The following PLGRKT variants were observed in gnomAD, a reference collection of about 807,000 sequenced individuals.
PLGRKT encodes the protein plasminogen receptor with a C-terminal lysine, also known as plasminogen receptor (KT).
In PLGRKT, 22 loss-of-function variants were observed where a neutral mutation model predicts 18.5. That is an observed-to-expected ratio of 1.19 (90% CI 0.85 to 1.70). PLGRKT has a LOEUF of 1.70. Among genes scored for constraint, PLGRKT ranks in the 40% most tolerant of loss-of-function variants. The probability of loss-of-function intolerance (pLI) is 0.00; values close to 1 mark genes in which losing one functional copy is unlikely to be tolerated. For missense variants in PLGRKT, 235 were observed against 174.4 expected (o/e 1.35, Z -1.96); for synonymous variants, 72 against 52.8 (o/e 1.36, Z -1.58).
intron 2 of PLGRKT, among the ~76,000 whole-genome samples, chr9:5,434,423 G>C (rs1315405288): frequency 6.8e-6 from 1 of 146,026 alleles, no homozygotes; most frequent in African/African-American, 2.6e-5. Context: ...CGTCTGGGAA[G>C]TGAGGAGCAC....
In PLGRKT at chr9:5,431,984, C is replaced by A; in HGVS notation, c.-6-1G>T. 7.3e-7 allele frequency: 1 copy of A among 1,376,442 alleles called. No individual in the cohort carries two copies. Among genetic ancestry groups the A allele is most frequent in the Non-Finnish European group, 1.0e-6 (1 of 967,078 alleles). The allele number at this position is 1,376,442 out of a possible 1,614,324, so 85.3% of individuals were successfully genotyped here. A position where few individuals can be genotyped will look rare whatever the true frequency, so the allele number is the denominator to read the frequency against. On this transcript the variant is annotated splice_acceptor_variant, in intron 2 of 5. Transcript: ENST00000223864. LOFTEE classifies it low-confidence loss of function (5UTR_SPLICE). ...TTGAAAATATAAACCCCATTTTGAC[C>A]TAAAATGTAAAAAAAGCAAGGAGAC...
intron 3 of PLGRKT, among the ~76,000 whole-genome samples, chr9:5,423,270 A>G (rs569012928): frequency 6.6e-6 from 1 of 152,316 alleles, no homozygotes; most frequent in South Asian, 2.1e-4. Flanking sequence ...TCTAGCTCCT[A>G]ATTCAACTGG....
chr9:5,360,964 G>GTT (rs1187982131), intron 5 of PLGRKT, 114 bp downstream of exon 5: 22 of 631,402 alleles, frequency 3.5e-5, no homozygotes, highest in Non-Finnish European at 5.6e-5. Flanking sequence ...GCTCATTGGA[G>GTT]GTTCAAAGAG....
At chr9:5,382,105 T>G in intron 3 of PLGRKT, 1 of 689,030 alleles carries the variant, frequency 1.5e-6, no homozygotes, top group Non-Finnish European at 1.8e-6. Context: ...ATTCCTATAA[T>G]AAATCGTTGG....
chr9:5,385,868 T>C (rs957814950), intron 3 of PLGRKT, among the ~76,000 whole-genome samples: 6 of 151,932 alleles, frequency 3.9e-5, no homozygotes, highest in African/African-American at 1.5e-4. Context: ...ACAGAGATGG[T>C]GTCTCTCTCA....
intron 3 of PLGRKT, among the ~76,000 whole-genome samples, chr9:5,397,510 G>A (rs1159304540): frequency 6.6e-6 from 1 of 151,434 alleles, no homozygotes; most frequent in Admixed American, 6.6e-5. Context: ...TCAAATATTT[G>A]TTGAAAGAAG....
rs75345877 is a variant in PLGRKT at position 5,375,912 on chromosome 9, C to T, written c.82-14024G>A. Reference sequence around the variant, plus strand: ...GATGCTTGTACACCTCCATTCATAGCAGCATTATTCACAACAGCCAAAAGG... The same window carrying T: ...GATGCTTGTACACCTCCATTCATAGTAGCATTATTCACAACAGCCAAAAGG... On this transcript the variant is annotated intron_variant, in intron 3 of 5. Transcript: ENST00000223864. 8.7e-3 allele frequency among the ~76,000 whole-genome samples: 1,331 copies of T among 152,242 alleles called. 22 individuals are homozygous for T. Among genetic ancestry groups the T allele is most frequent in the African/African-American group, 0.029 (1,218 of 41,536 alleles).
chr9:5,436,126 C>T (rs865811646), intron 2 of PLGRKT, among the ~76,000 whole-genome samples: 10 of 152,228 alleles, frequency 6.6e-5, no homozygotes, highest in Admixed American at 2.0e-4. Flanking sequence ...CACTCACTGA[C>T]AGCAGGGTGA....
In PLGRKT at chr9:5,396,364, C is replaced by T. The variant is rs556684212; in HGVS notation, c.82-34476G>A. Reference sequence around the variant, plus strand: ...ACAATGGTGTGATCTCGGCTCACTGCAACCTCAACCTCCCAGGTTCAAGTG... The same window carrying T: ...ACAATGGTGTGATCTCGGCTCACTGTAACCTCAACCTCCCAGGTTCAAGTG... On this transcript the variant is annotated intron_variant, in intron 3 of 5. Transcript: ENST00000223864. 3.3e-5 allele frequency among the ~76,000 whole-genome samples: 5 copies of T among 151,880 alleles called. No individual in the cohort carries two copies. In the South Asian group the frequency reaches 6.2e-4, roughly 19 times the overall value.
chr9:5,375,733 C>G lies in PLGRKT; in HGVS notation c.82-13845G>C, dbSNP rs182592611. On this transcript the variant is annotated intron_variant, in intron 3 of 5. Coordinates refer to ENST00000223864, the MANE Select transcript of PLGRKT (RefSeq NM_018465.4). The stretch of plus-strand genomic sequence containing the variant: ...GGTGAGGATGTGAAGAAACCAGAAC[C>G]CTTTTGCATTGCTGGCAGGAATGTA... 1.1e-4 allele frequency among the ~76,000 whole-genome samples: 16 copies of G among 152,234 alleles called. No homozygotes were observed. The East Asian group carries it at 2.7e-3, about 26-fold the overall frequency.
Position 5,387,972 on chromosome 9 carries a change from T to C in PLGRKT, c.82-26084A>G, listed in dbSNP as rs527652008. 6.6e-5 allele frequency among the ~76,000 whole-genome samples: 10 copies of C among 151,996 alleles called. 1 individual carries two copies. The highest frequency in any genetic ancestry group is 5.9e-4 in the Admixed American group (9 of 15,274). On this transcript the variant is annotated intron_variant, in intron 3 of 5. Transcript: ENST00000223864. ...GGAATTGGGAGCTGAAATGATTTTC[T>C]GATGGACTGGATATAGGTGACATGA...
intron 3 of PLGRKT, among the ~76,000 whole-genome samples, chr9:5,407,509 G>C (rs960650098): frequency 1.3e-5 from 2 of 152,124 alleles, no homozygotes; most frequent in African/African-American, 4.8e-5. Flanking sequence ...GACTAGCACA[G>C]GGCCTGGCAT....
intron 2 of PLGRKT, among the ~76,000 whole-genome samples, chr9:5,433,831 G>A (rs538599864): frequency 3.8e-5 from 5 of 131,354 alleles, no homozygotes; most frequent in South Asian, 2.6e-4. Flanking sequence ...GTCTCTGCCT[G>A]AGCGCCCATC....
Position 5,358,333 on chromosome 9 carries a change from T to C in PLGRKT, c.350A>G (p.Glu117Gly). The change falls in exon 6 of 6, where the codon GAA becomes GGA. Residue 117 changes from glutamate to glycine, a missense_variant. Physicochemically the swap from Glu to Gly is moderately conservative, Grantham distance 98. Transcript: ENST00000223864. ...TCTTGGCAGCTGCAATTTACTCTTTTCTGTTTCCAGTATGTCCTCAGCTTC... is the reference window on the plus strand; with the variant it reads ...TCTTGGCAGCTGCAATTTACTCTTTCCTGTTTCCAGTATGTCCTCAGCTTC... ...KGEAEDILET[E>G]KSKLQLPRGM... 1 of 1,612,778 alleles carries C rather than the reference T, an allele frequency of 6.2e-7. No homozygotes were observed. Among genetic ancestry groups the C allele is most frequent in the South Asian group, 1.1e-5 (1 of 91,056 alleles).
chr9:5,401,709 C>G lies in PLGRKT; in HGVS notation c.81+30188G>C, dbSNP rs936145113. 2.0e-4 allele frequency among the ~76,000 whole-genome samples: 30 copies of G among 151,864 alleles called. 1 individual carries two copies. The highest frequency in any genetic ancestry group is 7.0e-4 in the African/African-American group (29 of 41,164). ...ATGAGGAAAACAGGTATTCAAAAGC[C>G]AATATCACCTTAATTTATGTTCCAG... On this transcript the variant is annotated intron_variant, in intron 3 of 5. Coordinates refer to ENST00000223864, the MANE Select transcript of PLGRKT (RefSeq NM_018465.4).
chr9:5,436,720 C>T (rs1329546179), intron 1 of PLGRKT, 26 bp from the exon 2 acceptor site: 1 of 152,160 alleles, frequency 6.6e-6, no homozygotes, highest in African/African-American at 2.4e-5. Context: ...TGCATCACAC[C>T]TTGTAAATTT....
chr9:5,377,662 G>C (rs961332480), intron 3 of PLGRKT, among the ~76,000 whole-genome samples: 2 of 152,190 alleles, frequency 1.3e-5, no homozygotes, highest in Non-Finnish European at 2.9e-5. Context: ...ACTCTAGGGA[G>C]GACTATTCTG....
chr9:5,417,895 G>A (rs1442388170), intron 3 of PLGRKT, among the ~76,000 whole-genome samples: 1 of 151,936 alleles, frequency 6.6e-6, no homozygotes, highest in Non-Finnish European at 1.5e-5. Flanking sequence ...TGAGTTTCAA[G>A]GAAAACAAAA....
At chr9:5,423,662 C>G (rs1166867062) in intron 3 of PLGRKT, among the ~76,000 whole-genome samples, 1 of 151,902 alleles carries the variant, frequency 6.6e-6, no homozygotes, top group African/African-American at 2.4e-5. Context: ...ACCTCAACTA[C>G]AGCTCATTAA....
Sources: gnomAD v4.1 joint callset for allele counts (sites outside exome capture counted in the v4.1 genomes callset) on GRCh38, gnomAD v4.1.1 for gene constraint, MANE v1.5 for transcripts, NCBI Gene and HGNC (gene_info 2026-07-23, HGNC 2026-07-21) for gene names.